Variants in PHF24 observed in about 807,000 individuals in gnomAD.
PHF24 encodes the protein Galpha inhibitory interacting protein.
In PHF24, 25 loss-of-function variants were observed where a neutral mutation model predicts 42.6. The ratio of observed to expected loss-of-function variants is 0.59; its 90% CI spans 0.43 to 0.82. The LOEUF (loss-of-function observed/expected upper bound fraction) is 0.82. Ranked by LOEUF, PHF24 falls within the 40% of genes least tolerant of loss-of-function variation. PHF24 has a pLI of 0.00. For synonymous variants in PHF24, 185 were observed against 204.8 expected, an observed-to-expected ratio of 0.90 and a Z score of 0.83; for missense variants, 470 against 538.1, an observed-to-expected ratio of 0.87 and a Z score of 1.25.
chr9:34,785,149 C>T, the PHF24 span, among the ~76,000 whole-genome samples: 2 of 152,142 alleles, frequency 1.3e-5, no homozygotes, highest in African/African-American at 2.4e-5. Flanking sequence ...GGTTTGGTGT[C>T]TGTTTGGCGG....
intron 1 of PHF24, among the ~76,000 whole-genome samples, chr9:34,969,457 C>T (rs550303038): frequency 2.0e-5 from 3 of 151,732 alleles, no homozygotes; most frequent in South Asian, 2.1e-4. Context: ...CTGGCTAACA[C>T]GGTGAAACCC....
At chr9:34,705,478 G>A in the PHF24 span, among the ~76,000 whole-genome samples, 3 of 152,056 alleles carry the variant, frequency 2.0e-5, no homozygotes, top group African/African-American at 7.2e-5. Context: ...TACAGACGAG[G>A]TCTCATTGTG....
At chr9:34,771,580 C>T in the PHF24 span, among the ~76,000 whole-genome samples, 1 of 151,992 alleles carries the variant, frequency 6.6e-6, no homozygotes, top group African/African-American at 2.4e-5. Flanking sequence ...TTTTATATAA[C>T]TATAATAAAA....
the PHF24 span, among the ~76,000 whole-genome samples, chr9:34,829,073 G>A: frequency 1.2e-4 from 19 of 152,168 alleles, no homozygotes; most frequent in African/African-American, 4.3e-4. Context: ...TGCAGTAATG[G>A]TAGCAGTAGA....
chr9:34,910,278 CTT>C, the PHF24 span, among the ~76,000 whole-genome samples: 2 of 152,076 alleles, frequency 1.3e-5, no homozygotes, highest in African/African-American at 4.8e-5. Flanking sequence ...GATCTCCTCT[CTT>C]TTGTTCTGTT....
the PHF24 span, among the ~76,000 whole-genome samples, chr9:34,797,500 C>A: frequency 8.5e-5 from 13 of 152,232 alleles, no homozygotes; most frequent in African/African-American, 3.1e-4. Context: ...GGTTCTCCCC[C>A]GGAGTCGGGC....
At chr9:34,681,104 T>G in the PHF24 span, 1 of 152,334 alleles carries the variant, frequency 6.6e-6, no homozygotes, top group Middle Eastern at 3.4e-3. Flanking sequence ...GGAGCGACCA[T>G]GGAAGCCTGT....
the PHF24 span, among the ~76,000 whole-genome samples, chr9:34,831,269 C>T: frequency 6.6e-6 from 1 of 152,162 alleles, no homozygotes; most frequent in African/African-American, 2.4e-5. Context: ...GAGGAAAAGG[C>T]ACCAGGTAGA....
At chr9:34,884,058 CTTTG>C in the PHF24 span, among the ~76,000 whole-genome samples, 1 of 152,128 alleles carries the variant, frequency 6.6e-6, no homozygotes, top group African/African-American at 2.4e-5. Context: ...AGTTCATGTT[CTTTG>C]TTTGGACATG....
At chr9:34,828,913 A>ATCTATATCTATATCTATATCTATG in the PHF24 span, among the ~76,000 whole-genome samples, 1 of 150,942 alleles carries the variant, frequency 6.6e-6, no homozygotes, top group African/African-American at 2.4e-5. Context: ...GCATGGTTTT[A>ATCTATATCTATATCTATATCTATG]TCTATATCTA....
At chr9:34,862,747 T>C in the PHF24 span, among the ~76,000 whole-genome samples, 1 of 151,356 alleles carries the variant, frequency 6.6e-6, no homozygotes, top group East Asian at 2.0e-4. Context: ...AAGTGCCTTC[T>C]GCTTGAGAAA....
At chr9:34,787,892 C>T in the PHF24 span, among the ~76,000 whole-genome samples, 6 of 152,178 alleles carry the variant, frequency 3.9e-5, no homozygotes, top group Non-Finnish European at 8.8e-5. Context: ...CACCTGTTTA[C>T]CATTTCCTCC....
chr9:34,710,099 C>G, the PHF24 span: 1 of 1,600,438 alleles, frequency 6.2e-7, no homozygotes, highest in Non-Finnish European at 8.5e-7. Flanking sequence ...GAGGCCAGAG[C>G]TGAGGGTGAG....
At chr9:34,757,912 T>G in the PHF24 span, among the ~76,000 whole-genome samples, 1 of 152,098 alleles carries the variant, frequency 6.6e-6, no homozygotes, top group African/African-American at 2.4e-5. Context: ...TAGGAGAACA[T>G]GTGTGGTTGC....
At chr9:34,830,797 A>T in the PHF24 span, among the ~76,000 whole-genome samples, 3 of 152,318 alleles carry the variant, frequency 2.0e-5, no homozygotes, top group East Asian at 5.8e-4. Context: ...TGTGAATAGG[A>T]TATCACTGAG....
the PHF24 span, among the ~76,000 whole-genome samples, chr9:34,844,974 G>GAT: frequency 1.3e-5 from 2 of 151,982 alleles, no homozygotes; most frequent in Non-Finnish European, 2.9e-5. Context: ...TAGACCTATT[G>GAT]ATATTTGCTT....
chr9:34,929,483 A>T, the PHF24 span, among the ~76,000 whole-genome samples: 2 of 152,224 alleles, frequency 1.3e-5, no homozygotes, highest in African/African-American at 4.8e-5. Flanking sequence ...AGCACCTAGC[A>T]CAGGGTCTAT....
At chr9:34,839,647 C>A in the PHF24 span, among the ~76,000 whole-genome samples, 1,141 of 152,274 alleles carry the variant, frequency 7.5e-3, 21 homozygotes, top group African/African-American at 0.026. Flanking sequence ...TCCTTTACCT[C>A]ACTGGCATGG....
upstream of PHF24, among the ~76,000 whole-genome samples, chr9:34,954,565 CAG>C (rs564002480): frequency 1.1e-4 from 16 of 152,310 alleles, no homozygotes; most frequent in Admixed American, 6.5e-4. Flanking sequence ...ATGAGGACAA[CAG>C]AGAGTTTGGT....
Sources: allele counts gnomAD v4.1 joint callset (sites outside exome capture counted in the v4.1 genomes callset), GRCh38; gene constraint gnomAD v4.1.1; transcripts MANE v1.5; gene names NCBI Gene and HGNC (gene_info 2026-07-23, HGNC 2026-07-21).